SEMA5A: variants seen among roughly 807,000 people sequenced by gnomAD.
SEMA5A encodes semaphorin 5A.
A neutral mutation model predicts 135.5 loss-of-function variants in SEMA5A; 55 were observed. The ratio of observed to expected loss-of-function variants is 0.41; its 90% CI spans 0.33 to 0.51. The LOEUF (loss-of-function observed/expected upper bound fraction) is 0.51. Among genes scored for constraint, SEMA5A ranks in the 20% least tolerant of loss-of-function variants. The pLI, the probability that SEMA5A is intolerant of heterozygous loss-of-function variation, is 0.37. For missense variants in SEMA5A, 1,290 were observed against 1,419.9 expected (o/e 0.91, Z 1.47); for synonymous variants, 580 against 546.5 (o/e 1.06, Z -0.85).
At chr5:9,290,159 C>A (rs1751009107) in intron 5 of SEMA5A, among the ~76,000 whole-genome samples, 1 of 152,170 alleles carries the variant, frequency 6.6e-6, no homozygotes, top group African/African-American at 2.4e-5. Context: ...ATCACCCAAG[C>A]AGGCTACACT....
intron 16 of SEMA5A, among the ~76,000 whole-genome samples, chr5:9,106,924 T>G (rs1423718236): frequency 6.6e-6 from 1 of 152,164 alleles, no homozygotes; most frequent in African/African-American, 2.4e-5. Context: ...CTAATTGTAA[T>G]TTCCAATAAC....
intron 1 of SEMA5A, among the ~76,000 whole-genome samples, chr5:9,458,123 G>A (rs1405560778): frequency 6.6e-6 from 1 of 151,772 alleles, no homozygotes; most frequent in Non-Finnish European, 1.5e-5. Context: ...TAGCCAGGAT[G>A]GTCTCGATCT....
intron 16 of SEMA5A, among the ~76,000 whole-genome samples, chr5:9,069,420 T>G (rs1343179404): frequency 6.6e-6 from 1 of 152,208 alleles, no homozygotes; most frequent in Non-Finnish European, 1.5e-5. Flanking sequence ...CTTTGCGCAT[T>G]CATGCCTTGA....
Position 9,365,176 on chromosome 5 carries a change from G to A in SEMA5A, c.124+14647C>T, listed in dbSNP as rs543756354. ...CAGCTGAGGAGAAAGCTAAACTACC[G>A]TAGTACGGATCTTCCTTGCTAACAG... On this transcript the variant is annotated intron_variant, in intron 3 of 22. Coordinates refer to ENST00000382496, the MANE Select transcript of SEMA5A (RefSeq NM_003966.3). Among the ~76,000 whole-genome samples the A allele has an allele frequency of 8.1e-4, 124 of 152,272 alleles. 1 individual carries two copies. The highest frequency in any genetic ancestry group is 2.7e-3 in the African/African-American group (113 of 41,540).
intron 11 of SEMA5A, among the ~76,000 whole-genome samples, chr5:9,169,507 G>T (rs1743795742): frequency 1.3e-5 from 2 of 152,160 alleles, no homozygotes; most frequent in Admixed American, 6.6e-5. Context: ...TTACTAACTG[G>T]ACTTTCCTTC....
chr5:9,432,679 C>T (rs1170531976), intron 2 of SEMA5A, among the ~76,000 whole-genome samples: 3 of 152,182 alleles, frequency 2.0e-5, no homozygotes, highest in African/African-American at 7.2e-5. Context: ...CTGCCCTTAA[C>T]ATTATTGTAC....
At chr5:9,532,717 G>A (rs559179564) in intron 1 of SEMA5A, among the ~76,000 whole-genome samples, 4 of 152,294 alleles carry the variant, frequency 2.6e-5, no homozygotes, top group South Asian at 2.1e-4. Context: ...TTTTCACAGA[G>A]GGCAACTGTA....
At chr5:9,147,638 C>T (rs1742410299) in intron 12 of SEMA5A, among the ~76,000 whole-genome samples, 1 of 145,242 alleles carries the variant, frequency 6.9e-6, no homozygotes. Context: ...AGGTGTGACT[C>T]TTTTATATGT....
intron 2 of SEMA5A, among the ~76,000 whole-genome samples, chr5:9,425,359 C>T (rs1206304589): frequency 1.3e-5 from 2 of 152,216 alleles, no homozygotes; most frequent in African/African-American, 4.8e-5. Flanking sequence ...AACCGAGGCT[C>T]ACACACTACA....
chr5:9,420,978 T>C (rs1757447891), intron 2 of SEMA5A, among the ~76,000 whole-genome samples: 1 of 152,222 alleles, frequency 6.6e-6, no homozygotes, highest in African/African-American at 2.4e-5. Flanking sequence ...ATCGCGCCAC[T>C]GCACTCCAGC....
intron 3 of SEMA5A, among the ~76,000 whole-genome samples, chr5:9,342,020 C>G (rs767378428): frequency 1.3e-5 from 2 of 149,322 alleles, no homozygotes; most frequent in African/African-American, 4.9e-5. Context: ...TAATTTGGTC[C>G]AAAATACTTG....
At position 9,197,644 on chromosome 5, in the gene SEMA5A, C is replaced by T. The variant is rs1195254014; in HGVS notation, c.933-341G>A. Among the ~76,000 whole-genome samples, 7 of 152,110 alleles carry T rather than the reference C, an allele frequency of 4.6e-5. No homozygotes were observed. The South Asian group carries it at 6.2e-4, about 14-fold the overall frequency. Reference sequence around the variant, plus strand: ...GGAATAAAAAGACTTCCTTCTCCAACGGATGGCGTCTCTCATCAGCCTCAT... The same window carrying T: ...GGAATAAAAAGACTTCCTTCTCCAATGGATGGCGTCTCTCATCAGCCTCAT... On this transcript the variant is annotated intron_variant, in intron 9 of 22. Coordinates refer to ENST00000382496, the MANE Select transcript of SEMA5A (RefSeq NM_003966.3).
chr5:9,309,317 A>G (rs1216579589), intron 5 of SEMA5A, among the ~76,000 whole-genome samples: 1 of 152,098 alleles, frequency 6.6e-6, no homozygotes, highest in Non-Finnish European at 1.5e-5. Flanking sequence ...TAGAACAGGG[A>G]ACAGTTAAGT....
rs373645983 is a variant in SEMA5A at position 9,310,060 on chromosome 5, T to C, written c.270+8312A>G. 6.6e-5 allele frequency among the ~76,000 whole-genome samples: 10 copies of C among 152,234 alleles called. No homozygotes were observed. The East Asian group carries it at 1.2e-3, about 18-fold the overall frequency. ...AACTAAAAAAAAATACTGAGTCATA[T>C]TGTGTTCACTCATCAATTCAGGAAA... On this transcript the variant is annotated intron_variant, in intron 5 of 22. Transcript: ENST00000382496.
At chr5:9,088,632 T>C (rs1738843926) in intron 16 of SEMA5A, among the ~76,000 whole-genome samples, 1 of 82,836 alleles carries the variant, frequency 1.2e-5, no homozygotes, top group African/African-American at 7.0e-5. Context: ...GAAGCCTACA[T>C]TTATAATATA....
chr5:9,343,167 A>G (rs1021177097), intron 3 of SEMA5A, among the ~76,000 whole-genome samples: 1 of 147,964 alleles, frequency 6.8e-6, no homozygotes, highest in Non-Finnish European at 1.5e-5. Context: ...GCCCATGTTA[A>G]TAAGGGTGAT....
chr5:9,314,485 C>T (rs1202225538), intron 5 of SEMA5A, among the ~76,000 whole-genome samples: 1 of 151,640 alleles, frequency 6.6e-6, no homozygotes, highest in Non-Finnish European at 1.5e-5. Flanking sequence ...GTAGTCATTT[C>T]CCTTGCTTCT....
chr5:9,228,630 C>T (rs905620207), intron 6 of SEMA5A, among the ~76,000 whole-genome samples: 2 of 152,220 alleles, frequency 1.3e-5, no homozygotes, highest in African/African-American at 4.8e-5. Context: ...AGCCTGGAGT[C>T]AGGAAGCCAA....
At chr5:9,085,609 T>C (rs1039646663) in intron 16 of SEMA5A, among the ~76,000 whole-genome samples, 4 of 152,162 alleles carry the variant, frequency 2.6e-5, no homozygotes, top group Admixed American at 1.3e-4. Context: ...AGAGGATGTA[T>C]GGAAACACAT....
Sources: allele counts gnomAD v4.1 joint callset (sites outside exome capture counted in the v4.1 genomes callset), GRCh38; gene constraint gnomAD v4.1.1; transcripts MANE v1.5; gene names NCBI Gene and HGNC (gene_info 2026-07-23, HGNC 2026-07-21).